The following OTUD7A variants were observed in gnomAD, a reference collection of about 807,000 sequenced individuals.
The protein encoded by OTUD7A is OTU domain-containing protein 7A.
In OTUD7A, 12 loss-of-function variants were observed where a neutral mutation model predicts 65.7. That is an observed-to-expected ratio of 0.18 (90% confidence interval 0.12 to 0.30). OTUD7A has a LOEUF of 0.30. Ranked by LOEUF, OTUD7A falls within the 10% of genes least tolerant of loss-of-function variation. The probability of loss-of-function intolerance (pLI) is 1.00; values close to 1 mark genes in which losing one functional copy is unlikely to be tolerated. For synonymous variants in OTUD7A, 641 were observed against 586.3 expected (o/e 1.09, Z -1.35); for missense variants, 1,148 against 1,304.8 (o/e 0.88, Z 1.85).
chr15:31,830,646 C>T (rs1407012139), intron 1 of OTUD7A, among the ~76,000 whole-genome samples: 3 of 152,246 alleles, frequency 2.0e-5, no homozygotes, highest in Non-Finnish European at 4.4e-5. Flanking sequence ...TGTTCCTGAA[C>T]TGACCTCCCA....
intron 1 of OTUD7A, among the ~76,000 whole-genome samples, chr15:31,763,171 T>C (rs1895015053): frequency 6.6e-6 from 1 of 152,034 alleles, no homozygotes; most frequent in Non-Finnish European, 1.5e-5. Context: ...TAATCCCAGC[T>C]ACTGGGGAGG....
intron 1 of OTUD7A, among the ~76,000 whole-genome samples, chr15:31,711,129 C>A (rs1447219900): frequency 6.7e-6 from 1 of 150,084 alleles, no homozygotes; most frequent in East Asian, 2.0e-4. Context: ...GTGTTCAACA[C>A]CTTTGTGCTC....
intron 1 of OTUD7A, among the ~76,000 whole-genome samples, chr15:31,693,756 G>A (rs1893012526): frequency 6.6e-6 from 1 of 152,084 alleles, no homozygotes; most frequent in African/African-American, 2.4e-5. Context: ...GCCCCTTGGT[G>A]TCACTGAAGG....
At chr15:31,795,988 C>A (rs1248467049) in intron 1 of OTUD7A, among the ~76,000 whole-genome samples, 1 of 152,182 alleles carries the variant, frequency 6.6e-6, no homozygotes, top group Non-Finnish European at 1.5e-5. Context: ...TTCATGCGGA[C>A]CCTGCATCAT....
chr15:31,821,933 G>A (rs1896693375), intron 1 of OTUD7A, among the ~76,000 whole-genome samples: 1 of 152,192 alleles, frequency 6.6e-6, no homozygotes, highest in Admixed American at 6.5e-5. Context: ...GTCTGGTCAA[G>A]TGTCTTTTCT....
chr15:31,569,923 G>A (rs570530777), intron 4 of OTUD7A, 95 bp downstream of exon 4: 3 of 1,378,176 alleles, frequency 2.2e-6, no homozygotes, highest in East Asian at 4.6e-5. Context: ...TCCGGGAGGT[G>A]ATGACCCCAC....
intron 1 of OTUD7A, among the ~76,000 whole-genome samples, chr15:31,754,528 T>G (rs1894754917): frequency 6.6e-6 from 1 of 152,226 alleles, no homozygotes; most frequent in African/African-American, 2.4e-5. Flanking sequence ...CTTAAGTTGA[T>G]TTTTGTATAA....
At chr15:31,746,504 CAT>C (rs1332801601) in intron 1 of OTUD7A, among the ~76,000 whole-genome samples, 18 of 91,186 alleles carry the variant, frequency 2.0e-4, no homozygotes, top group South Asian at 1.2e-3. Flanking sequence ...GTAGTTTTTA[CAT>C]ATTTTTTTTT....
intron 1 of OTUD7A, among the ~76,000 whole-genome samples, chr15:31,855,255 T>C (rs545663328): frequency 6.6e-6 from 1 of 152,314 alleles, no homozygotes; most frequent in East Asian, 1.9e-4. Flanking sequence ...CACATGAACA[T>C]CTAGGCAAAA....
intron 8 of OTUD7A, 24 bp downstream of exon 8, chr15:31,526,324 TG>T: frequency 1.3e-6 from 2 of 1,561,176 alleles, no homozygotes; most frequent in Non-Finnish European, 8.6e-7. Flanking sequence ...AGGTGACTTC[TG>T]GGGAGAGCAG....
At chr15:31,500,909 C>T (rs1229579419) in intron 10 of OTUD7A, among the ~76,000 whole-genome samples, 2 of 152,260 alleles carry the variant, frequency 1.3e-5, no homozygotes, top group Non-Finnish European at 2.9e-5. Flanking sequence ...GGGGTTTCCT[C>T]TCCACTCAGC....
At chr15:31,848,502 G>A (rs963092826) in intron 1 of OTUD7A, among the ~76,000 whole-genome samples, 6 of 152,024 alleles carry the variant, frequency 3.9e-5, no homozygotes, top group African/African-American at 1.5e-4. Context: ...AGAAATTTCA[G>A]TCAGAAGTCC....
At chr15:31,625,985 C>A (rs1274766175) in intron 3 of OTUD7A, among the ~76,000 whole-genome samples, 1 of 147,946 alleles carries the variant, frequency 6.8e-6, no homozygotes. Context: ...TCTAGGAATG[C>A]AAAAAAAAAT....
chr15:31,719,192 T>G (rs192928074), intron 1 of OTUD7A, among the ~76,000 whole-genome samples: 16 of 152,300 alleles, frequency 1.1e-4, no homozygotes, highest in Admixed American at 4.6e-4. Context: ...TCAAGCGATC[T>G]TCAGTCTCCC....
In OTUD7A at chr15:31,699,256, G is replaced by C. The variant is rs190524073; in HGVS notation, c.-99-42179C>G. Among the ~76,000 whole-genome samples, 340 of 151,958 alleles carry C rather than the reference G, an allele frequency of 2.2e-3. 5 individuals carry two copies. In the East Asian group the frequency reaches 0.038, roughly 17 times the overall value. ...CACCACGCCCGGCTAATTTTTTGTA[G>C]TTTTAGTAGAGATGGGGTTTCACCG... On this transcript the variant is annotated intron_variant, in intron 1 of 12. Coordinates refer to ENST00000307050, the MANE Select transcript of OTUD7A (RefSeq NM_001382637.1).
At chr15:31,619,978 G>GC (rs1890725414) in intron 3 of OTUD7A, among the ~76,000 whole-genome samples, 1 of 152,154 alleles carries the variant, frequency 6.6e-6, no homozygotes, top group Non-Finnish European at 1.5e-5. Context: ...TAGCATCAAG[G>GC]GTTGTTGAAT....
chr15:31,833,708 T>C (rs535560459), intron 1 of OTUD7A, among the ~76,000 whole-genome samples: 77 of 152,370 alleles, frequency 5.1e-4, no homozygotes, highest in Middle Eastern at 3.4e-3. Flanking sequence ...TAGATTTAAA[T>C]ATCTTAGAAT....
At chr15:31,809,072 C>A (rs1896354860) in intron 1 of OTUD7A, among the ~76,000 whole-genome samples, 1 of 152,170 alleles carries the variant, frequency 6.6e-6, no homozygotes. Context: ...AGGAAGCAGG[C>A]ATAAGCACAG....
intron 3 of OTUD7A, among the ~76,000 whole-genome samples, chr15:31,648,603 A>C (rs1345903737): frequency 6.6e-6 from 1 of 152,092 alleles, no homozygotes; most frequent in Non-Finnish European, 1.5e-5. Flanking sequence ...CGTCTCCTTA[A>C]CCCATTGTAA....
Sources: gnomAD v4.1 joint callset for allele counts (sites outside exome capture counted in the v4.1 genomes callset) on GRCh38, gnomAD v4.1.1 for gene constraint, MANE v1.5 for transcripts, NCBI Gene and HGNC (gene_info 2026-07-23, HGNC 2026-07-21) for gene names.